SYNE2: variants seen among roughly 807,000 people sequenced by gnomAD.
SYNE2 encodes the protein spectrin repeat containing nuclear envelope protein 2.
In SYNE2, 431 loss-of-function variants were observed where a neutral mutation model predicts 856.3. That is an observed-to-expected ratio of 0.50 (90% CI 0.47 to 0.55). The LOEUF (loss-of-function observed/expected upper bound fraction) is 0.55. Among genes scored for constraint, SYNE2 ranks in the 20% least tolerant of loss-of-function variants. SYNE2 has a pLI of 0.00. For synonymous variants in SYNE2, 2,923 were observed against 2,872.3 expected (o/e 1.02, Z -0.56); for missense variants, 8,129 against 8,023.2 (o/e 1.01, Z -0.50).
At position 64,052,959 on chromosome 14, in the gene SYNE2, C is replaced by G; in HGVS notation, c.9046C>G (p.Gln3016Glu). The change falls in exon 48 of 116, where the codon CAA becomes GAA. Residue 3016 changes from glutamine (Q) to glutamate (E), a missense_variant. By Grantham distance (29) the Gln-to-Glu change is conservative (BLOSUM62 2). Around this residue, in one of 3 missense-constraint regions of SYNE2, gnomAD observed 5,410 missense variants for 5,284.8 expected, o/e 1.02. Transcript: ENST00000555002. The stretch of plus-strand genomic sequence containing the variant: ...TATTGGACTAAACTGGGATTTTTCA[C>G]AACTTGACCAATTACAAACCCAAGT... ...DYIGLNWDFS[Q>E]LDQLQTQVFE... 6.2e-7 allele frequency: 1 copy of G among 1,610,230 alleles called. No individual in the cohort carries two copies. The highest frequency in any genetic ancestry group is 8.5e-7 in the Non-Finnish European group (1 of 1,179,140).
In SYNE2 at chr14:64,070,645, A is replaced by T. The variant is rs1179518655; in HGVS notation, c.10432A>T (p.Ile3478Phe). Residue 3478 changes from isoleucine to phenylalanine, a missense_variant and splice_region_variant, in exon 52 of 116, where the codon ATT (isoleucine) becomes TTT (phenylalanine). By Grantham distance (21) the Ile-to-Phe change is conservative. Transcript: ENST00000555002. ...KQEWKFVSEE[I>F]EREAIILDNL... ...TAGTTCTTTTTGTTTTTTGAATTAGATTGAACGAGAGGCAATTATTTTAGA... is the reference window on the plus strand; with the variant it reads ...TAGTTCTTTTTGTTTTTTGAATTAGTTTGAACGAGAGGCAATTATTTTAGA... The T allele has an allele frequency of 1.2e-6, 2 of 1,612,310 alleles. No homozygotes were observed. Among genetic ancestry groups the T allele is most frequent in the East Asian group, 2.2e-5 (1 of 44,890 alleles).
chr14:63,862,264 C>T (rs1322101532), intron 1 of SYNE2, among the ~76,000 whole-genome samples: 1 of 152,196 alleles, frequency 6.6e-6, no homozygotes, highest in East Asian at 1.9e-4. Context: ...TTCGTATTTG[C>T]ATAACATCTA....
At chr14:63,899,074 C>T (rs1475508686) in intron 1 of SYNE2, among the ~76,000 whole-genome samples, 2 of 152,172 alleles carry the variant, frequency 1.3e-5, no homozygotes, top group African/African-American at 4.8e-5. Flanking sequence ...CTGTCTGTCT[C>T]TATAAAGTTT....
Position 64,055,977 on chromosome 14 carries a change from C to T in SYNE2, c.9778C>T (p.Arg3260Cys), listed in dbSNP as rs570116954. 80 of 1,613,936 alleles carry T rather than the reference C, an allele frequency of 5.0e-5. 1 individual carries two copies. In the Admixed American group the frequency reaches 5.0e-4, roughly 10 times the overall value. ...VLNDAYENLT[R>C]YKEAVTRAVE... ...GAATGATGCTTATGAAAATCTAACA[C>T]GCTATAAAGAAGCAGTCACCAGGGC... The change falls in exon 49 of 116, where the codon CGC becomes TGC. Residue 3260 changes from arginine to cysteine, a missense_variant. Coordinates refer to ENST00000555002, the MANE Select transcript of SYNE2 (RefSeq NM_182914.3).
At chr14:63,762,584 ATTTTTTCTTTC>A (rs1886526958) in intron 1 of SYNE2, among the ~76,000 whole-genome samples, 1 of 109,342 alleles carries the variant, frequency 9.1e-6, no homozygotes, top group Admixed American at 1.1e-4. Context: ...ATGTAGGATA[ATTTTTTCTTTC>A]TTTTTTTTTT....
At position 63,941,946 on chromosome 14, in the gene SYNE2, T is replaced by C. The variant is rs1595772229; in HGVS notation, c.299T>C (p.Phe100Ser). Residue 100 changes from phenylalanine to serine, a missense_variant, in exon 5 of 116, where the codon TTC becomes TCC. Phe to Ser is a radical substitution (Grantham distance 155, BLOSUM62 -2). This residue lies in a region of SYNE2 where 2,422 missense variants were observed against 2,357.4 expected (regional missense o/e 1.03). Coordinates refer to ENST00000555002, the MANE Select transcript of SYNE2 (RefSeq NM_182914.3). ...ATCAATATAGAACATGCCTTGACAT[T>C]CCTAAGAAACCGATCAGTAAGTATA... ...CRINIEHALTFLRNRSIKLIN... is the reference protein window; with the variant it reads ...CRINIEHALTSLRNRSIKLIN... 1 of 1,612,898 alleles carries C rather than the reference T, an allele frequency of 6.2e-7. No individual in the cohort carries two copies. The highest frequency in any genetic ancestry group is 8.5e-7 in the Non-Finnish European group (1 of 1,179,754).
intron 1 of SYNE2, among the ~76,000 whole-genome samples, chr14:63,893,356 C>T (rs1010848330): frequency 6.6e-6 from 1 of 151,986 alleles, no homozygotes; most frequent in Non-Finnish European, 1.5e-5. Context: ...TCCGGGAGCT[C>T]GAGACCAGCC....
chr14:64,000,848 G>A (rs1213519029), intron 28 of SYNE2, 129 bp downstream of exon 28: 4 of 824,002 alleles, frequency 4.9e-6, no homozygotes, highest in Non-Finnish European at 5.7e-6. Context: ...AGTAAGAGAG[G>A]CTACCATTAT....
At chr14:64,125,238 T>C in intron 71 of SYNE2, 28 bp downstream of exon 71, 1 of 1,613,596 alleles carries the variant, frequency 6.2e-7, no homozygotes, top group Non-Finnish European at 8.5e-7. Flanking sequence ...TGTGTTTTCC[T>C]CATTGTAATA....
chr14:64,034,523 C>T, intron 45 of SYNE2: 1 of 514,904 alleles, frequency 1.9e-6, no homozygotes, highest in Non-Finnish European at 3.6e-6. Context: ...TGGCAGTTTC[C>T]AAAAATTGCC....
At chr14:64,056,483 T>C (rs1314265717) in intron 49 of SYNE2, among the ~76,000 whole-genome samples, 3 of 151,976 alleles carry the variant, frequency 2.0e-5, no homozygotes, top group Non-Finnish European at 1.5e-5. Context: ...CTTTTTTTTT[T>C]TTCCTATTTA....
rs2098655054 is a variant in SYNE2 at position 64,214,135 on chromosome 14, C to T, written c.19057-59C>T. On this transcript the variant is annotated intron_variant, in intron 105 of 115. Transcript: ENST00000555002. ...GCTAGATAGGCAGACTTCTCATGCT[C>T]TTCTAATTGCAGAAGCCTATGAGTT... 7 of 1,613,564 alleles carry T rather than the reference C, an allele frequency of 4.3e-6. No individual in the cohort carries two copies. In the Admixed American group the frequency reaches 8.3e-5, roughly 19 times the overall value.
rs144891380 is a variant in SYNE2 at position 63,937,012 on chromosome 14, C to G, written c.80-3602C>G. Among the ~76,000 whole-genome samples, 858 of 152,186 alleles carry G rather than the reference C, an allele frequency of 5.6e-3. 35 individuals carry two copies. Among genetic ancestry groups the G allele is most frequent in the Admixed American group, 0.047 (716 of 15,270 alleles). On this transcript the variant is annotated intron_variant, in intron 2 of 115. Coordinates refer to ENST00000555002, the MANE Select transcript of SYNE2 (RefSeq NM_182914.3). ...AAGGAGGAAAATCAGGAGTCTGGTT[C>G]CTGGAAGCAGGAGAGGAGAATGATC...
intron 104 of SYNE2, 48 bp from the exon 105 acceptor site, chr14:64,212,763 G>A (rs1385056816): frequency 6.4e-7 from 1 of 1,574,644 alleles, no homozygotes. Context: ...GGCAGTGGAA[G>A]CTCAGGGTAA....
intron 2 of SYNE2, among the ~76,000 whole-genome samples, chr14:63,925,565 A>T (rs1169215892): frequency 1.3e-5 from 2 of 152,122 alleles, no homozygotes; most frequent in Non-Finnish European, 2.9e-5. Flanking sequence ...TTTTTACCAT[A>T]GTCACCCTGT....
chr14:64,097,808 C>T, intron 61 of SYNE2, 141 bp from the exon 62 acceptor site: 1 of 816,696 alleles, frequency 1.2e-6, no homozygotes, highest in South Asian at 1.5e-5. Context: ...AGGAGCTATA[C>T]CGTACCAGAG....
At chr14:64,167,703 C>T in intron 92 of SYNE2, 64 bp downstream of exon 92, 1 of 1,608,722 alleles carries the variant, frequency 6.2e-7, no homozygotes, top group South Asian at 1.1e-5. Context: ...GGAAAGATAG[C>T]TTTAAATAAA....
At chr14:63,863,285 AG>A (rs1400033753) in intron 1 of SYNE2, among the ~76,000 whole-genome samples, 1 of 152,130 alleles carries the variant, frequency 6.6e-6, no homozygotes, top group Non-Finnish European at 1.5e-5. Context: ...CACATTTAGT[AG>A]GAGATCAGGT....
intron 53 of SYNE2, among the ~76,000 whole-genome samples, chr14:64,075,405 A>G (rs534124182): frequency 4.1e-4 from 63 of 152,318 alleles, no homozygotes; most frequent in Non-Finnish European, 7.1e-4. Context: ...CTAAAAACCT[A>G]CATTCTTTGT....
Sources: allele counts gnomAD v4.1 joint callset (sites outside exome capture counted in the v4.1 genomes callset), GRCh38; gene constraint gnomAD v4.1.1; regional missense constraint gnomAD v4.1.1; transcripts MANE v1.5; gene names NCBI Gene and HGNC (gene_info 2026-07-23, HGNC 2026-07-21).